The following HS3ST3B1 variants were observed in gnomAD, a reference collection of about 807,000 sequenced individuals.
The protein encoded by HS3ST3B1 is heparan sulfate-glucosamine 3-sulfotransferase 3B1, also known as heparan sulfate glucosamine 3-O-sulfotransferase 3B1.
HS3ST3B1 carries 13 observed loss-of-function variants against 21.3 expected under a neutral mutation model. That is an observed-to-expected ratio of 0.61 (90% CI 0.40 to 0.97). The LOEUF (loss-of-function observed/expected upper bound fraction) is 0.97. Among genes scored for constraint, HS3ST3B1 ranks in the 50% least tolerant of loss-of-function variants. The probability of loss-of-function intolerance (pLI) is 0.00; values close to 1 mark genes in which losing one functional copy is unlikely to be tolerated. For missense variants in HS3ST3B1, 459 were observed against 554.8 expected (o/e 0.83, Z 1.73); for synonymous variants, 234 against 254.8 (o/e 0.92, Z 0.78).
chr17:14,302,104 T>A (rs746605813), intron 1 of HS3ST3B1, 32 bp downstream of exon 1: 2 of 1,564,398 alleles, frequency 1.3e-6, no homozygotes, highest in East Asian at 4.6e-5. Context: ...AGGGTCTCCA[T>A]CGTCGATTCA....
At chr17:14,312,481 C>T (rs1412745754) in intron 1 of HS3ST3B1, among the ~76,000 whole-genome samples, 1 of 152,092 alleles carries the variant, frequency 6.6e-6, no homozygotes, top group Non-Finnish European at 1.5e-5. Flanking sequence ...TTTTTTCATC[C>T]TTTTTTCTGT....
At position 14,345,235 on chromosome 17, in the gene HS3ST3B1, G is replaced by A; in HGVS notation, c.762G>A (p.Leu254=). Residue 254 remains leucine, a synonymous_variant, in exon 2 of 2, where the codon TTG becomes TTA. Transcript: ENST00000360954. The part of the protein sequence containing the change: ...KRPDIPTFES[L]TFKNRTAGLI... ...CCGACATCCCCACCTTCGAGAGCTT[G>A]ACGTTCAAAAACAGGACAGCGGGCC... The A allele has an allele frequency of 7.2e-7, 1 of 1,381,104 alleles. No homozygotes were observed. The highest frequency in any genetic ancestry group is 1.4e-5 in the African/African-American group (1 of 72,308). 85.6% of individuals were successfully genotyped at this position (1,381,104 alleles called of 1,614,324 possible).
intron 1 of HS3ST3B1, among the ~76,000 whole-genome samples, chr17:14,333,248 A>T (rs920641042): frequency 6.6e-6 from 1 of 152,100 alleles, no homozygotes; most frequent in African/African-American, 2.4e-5. Flanking sequence ...CGGGCGGATC[A>T]CGAGGTCAGG....
chr17:14,329,315 G>GAGAAAGAC (rs1405832798), intron 1 of HS3ST3B1: 3 of 94,776 alleles, frequency 3.2e-5, no homozygotes, highest in Non-Finnish European at 6.1e-5. Flanking sequence ...GAGAGAAAGA[G>GAGAAAGAC]AGAAAGAAAG....
At position 14,301,395 on chromosome 17, in the gene HS3ST3B1, A is replaced by C; in HGVS notation, c.-124A>C. On this transcript the variant is annotated 5_prime_UTR_variant, in exon 1 of 2. Transcript: ENST00000360954. ...CAGCAGCAGCGGCGGCCGCGGGCAC[A>C]CGGGGGCAATAAACCGAGCCACCCG... 3 of 849,646 alleles carry C rather than the reference A, an allele frequency of 3.5e-6. No individual in the cohort carries two copies. The highest frequency in any genetic ancestry group is 4.9e-6 in the Non-Finnish European group (3 of 611,772). 52.6% of individuals were successfully genotyped at this position (849,646 alleles called of 1,614,324 possible).
chr17:14,317,771 T>TA (rs1428299380), intron 1 of HS3ST3B1, among the ~76,000 whole-genome samples: 1 of 152,134 alleles, frequency 6.6e-6, no homozygotes, highest in African/African-American at 2.4e-5. Flanking sequence ...AGAGGGCTTT[T>TA]ATCCTACAGA....
intron 1 of HS3ST3B1, 70 bp from the exon 2 acceptor site, chr17:14,344,958 C>A: frequency 6.5e-7 from 1 of 1,540,608 alleles, no homozygotes; most frequent in African/African-American, 1.4e-5. Context: ...GATTAGAAGT[C>A]GTGACCTTAA....
intron 1 of HS3ST3B1, among the ~76,000 whole-genome samples, chr17:14,316,154 C>T (rs1909491498): frequency 6.6e-6 from 1 of 152,130 alleles, no homozygotes; most frequent in Admixed American, 6.6e-5. Flanking sequence ...TTGGAGCAGG[C>T]TTCCCGTTCC....
rs992468241 is a variant in HS3ST3B1, at chr17:14,302,741, G to C, written c.554+669G>C. On this transcript the variant is annotated intron_variant, in intron 1 of 1. Transcript: ENST00000360954. ...GCGTGGAGCTGTGCTGGTCCCTGTCGGGCAAAGGCGCGCACTGCAACCGGC... is the reference window on the plus strand; with the variant it reads ...GCGTGGAGCTGTGCTGGTCCCTGTCCGGCAAAGGCGCGCACTGCAACCGGC... 4.6e-4 allele frequency among the ~76,000 whole-genome samples: 70 copies of C among 152,056 alleles called. 1 individual carries two copies. Among genetic ancestry groups the C allele is most frequent in the Non-Finnish European group, 1.2e-4 (8 of 67,990 alleles).
Position 14,331,033 on chromosome 17 carries a change from C to T in HS3ST3B1, c.555-13995C>T, listed in dbSNP as rs534437455. 2.0e-3 allele frequency among the ~76,000 whole-genome samples: 312 copies of T among 152,296 alleles called. 3 individuals are homozygous for T. Among genetic ancestry groups the T allele is most frequent in the Non-Finnish European group, 3.6e-3 (248 of 68,024 alleles). On this transcript the variant is annotated intron_variant, in intron 1 of 1. Transcript: ENST00000360954. Reference sequence around the variant, plus strand: ...TCTTTCTGGGTACTCAGCTCTGTCCCGCCCCTGCCCATTGGCAGCACTGAT... The same window carrying T: ...TCTTTCTGGGTACTCAGCTCTGTCCTGCCCCTGCCCATTGGCAGCACTGAT...
chr17:14,308,060 A>G (rs1280039837), intron 1 of HS3ST3B1, among the ~76,000 whole-genome samples: 1 of 152,244 alleles, frequency 6.6e-6, no homozygotes, highest in Non-Finnish European at 1.5e-5. Context: ...ACTAATTGTA[A>G]GTAGAGCATG....
rs1411453334 is a variant in HS3ST3B1, at chr17:14,345,788, CTT to C, written c.*144_*145del. Reference sequence around the variant, plus strand: ...ATTCACTAAGCTGCCTAGCCACACTCTTTAGAGAGTTAGCTTCATAATCTGTT... The same window carrying C: ...ATTCACTAAGCTGCCTAGCCACACTCTAGAGAGTTAGCTTCATAATCTGTT... On this transcript the variant is annotated 3_prime_UTR_variant, in exon 2 of 2. Coordinates refer to ENST00000360954, the MANE Select transcript of HS3ST3B1 (RefSeq NM_006041.3). The C allele has an allele frequency of 1.6e-5, 17 of 1,066,358 alleles. No homozygotes were observed. Among genetic ancestry groups the C allele is most frequent in the Non-Finnish European group, 2.6e-6 (2 of 764,368 alleles). 66.1% of individuals were successfully genotyped at this position (1,066,358 alleles called of 1,614,324 possible).
rs1910617568 is a variant in HS3ST3B1 at position 14,347,620 on chromosome 17, C to T, written c.*1974C>T. ...TGAAAAGATACTTCATTTTTAGAAA[C>T]TGATCAGAGATGTCACTGGTCTTTA... On this transcript the variant is annotated 3_prime_UTR_variant, in exon 2 of 2. Coordinates refer to ENST00000360954, the MANE Select transcript of HS3ST3B1 (RefSeq NM_006041.3). The T allele has an allele frequency of 6.6e-6, 1 of 152,184 alleles. No individual in the cohort carries two copies. Among genetic ancestry groups the T allele is most frequent in the Non-Finnish European group, 1.5e-5 (1 of 68,034 alleles). 9.4% of individuals were successfully genotyped at this position (152,184 alleles called of 1,614,324 possible). A position where few individuals can be genotyped will look rare whatever the true frequency, so the allele number is the denominator to read the frequency against.
At chr17:14,323,593 A>G (rs1313226334) in intron 1 of HS3ST3B1, among the ~76,000 whole-genome samples, 1 of 151,796 alleles carries the variant, frequency 6.6e-6, no homozygotes, top group East Asian at 1.9e-4. Flanking sequence ...TTTTTGTCTC[A>G]TAAAGAAAGC....
Position 14,314,141 on chromosome 17 carries a change from G to A in HS3ST3B1, c.554+12069G>A, listed in dbSNP as rs901813943. 1.3e-4 allele frequency among the ~76,000 whole-genome samples: 19 copies of A among 151,850 alleles called. No homozygotes were observed. In the East Asian group the frequency reaches 1.4e-3, roughly 11 times the overall value. The stretch of plus-strand genomic sequence containing the variant: ...ATTACAGGCATGCACCACCAGGCCC[G>A]GCTCATTTTGTATTATTAGTAGAGA... On this transcript the variant is annotated intron_variant, in intron 1 of 1. Coordinates refer to ENST00000360954, the MANE Select transcript of HS3ST3B1 (RefSeq NM_006041.3).
chr17:14,329,380 A>AAGGAAGGAG (rs755610393), intron 1 of HS3ST3B1: 2 of 146,816 alleles, frequency 1.4e-5, no homozygotes, highest in African/African-American at 5.0e-5. Context: ...GGAAGGAAGG[A>AAGGAAGGAG]AGGAAGGAAG....
chr17:14,342,137 G>C (rs9909862), intron 1 of HS3ST3B1, among the ~76,000 whole-genome samples: 1 of 152,166 alleles, frequency 6.6e-6, no homozygotes, highest in South Asian at 2.1e-4. Flanking sequence ...TATGGTTTCC[G>C]TATCGGTGCT....
intron 1 of HS3ST3B1, among the ~76,000 whole-genome samples, chr17:14,340,846 G>A (rs1413125578): frequency 2.6e-5 from 4 of 152,192 alleles, no homozygotes; most frequent in African/African-American, 4.8e-5. Context: ...GCCTCCTAAA[G>A]TGCTGGGATT....
chr17:14,345,578 C>T lies in HS3ST3B1; in HGVS notation c.1105C>T (p.Arg369Cys), dbSNP rs753498928. ...CGACCGCGAGGTGGTGCGCAGGCTGCGCGAGTTCTACCGGCCTTTCAACCT... is the reference window on the plus strand; with the variant it reads ...CGACCGCGAGGTGGTGCGCAGGCTGTGCGAGTTCTACCGGCCTTTCAACCT... ...EIDREVVRRL[R>C]EFYRPFNLKF... is the part of the protein sequence containing the mutation. Residue 369 changes from arginine (R) to cysteine (C), a missense_variant, in exon 2 of 2, where the codon CGC becomes TGC. Around this residue, in one of 3 missense-constraint regions of HS3ST3B1, gnomAD observed 127 missense variants for 209.9 expected, o/e 0.60. Transcript: ENST00000360954. 8 of 1,592,656 alleles carry T rather than the reference C, an allele frequency of 5.0e-6. No homozygotes were observed. In the Admixed American group the frequency reaches 8.5e-5, roughly 17 times the overall value.
Sources: allele counts gnomAD v4.1 joint callset (sites outside exome capture counted in the v4.1 genomes callset), GRCh38; gene constraint gnomAD v4.1.1; regional missense constraint gnomAD v4.1.1; transcripts MANE v1.5; gene names NCBI Gene and HGNC (gene_info 2026-07-23, HGNC 2026-07-21).